Variants in DACH1 observed in about 807,000 individuals in gnomAD.
DACH1 encodes the protein dachshund family transcription factor 1.
In DACH1, 12 loss-of-function variants were observed where a neutral mutation model predicts 54.2. The observed-to-expected ratio is 0.22, with a 90% CI of 0.14 to 0.36. The LOEUF (loss-of-function observed/expected upper bound fraction) is 0.36. Ranked by LOEUF, DACH1 falls within the 10% of genes least tolerant of loss-of-function variation. The probability of loss-of-function intolerance (pLI) is 1.00; values close to 1 mark genes in which losing one functional copy is unlikely to be tolerated. For missense variants in DACH1, 805 were observed against 929.8 expected (o/e 0.87, Z 1.75); for synonymous variants, 386 against 366.2 (o/e 1.05, Z -0.62).
chr13:71,859,216 T>C (rs1874196866), intron 1 of DACH1, among the ~76,000 whole-genome samples: 2 of 151,732 alleles, frequency 1.3e-5, no homozygotes, highest in Admixed American at 1.3e-4. Context: ...GGACCACACC[T>C]TTAACACAAT....
At chr13:71,814,610 A>G (rs1352800301) in intron 1 of DACH1, among the ~76,000 whole-genome samples, 1 of 152,240 alleles carries the variant, frequency 6.6e-6, no homozygotes, top group African/African-American at 2.4e-5. Flanking sequence ...AATGCAATTA[A>G]GAATATGATG....
intron 1 of DACH1, among the ~76,000 whole-genome samples, chr13:71,782,212 A>G (rs1226456990): frequency 6.6e-6 from 1 of 152,158 alleles, no homozygotes; most frequent in African/African-American, 2.4e-5. Flanking sequence ...AGGCCAAGGC[A>G]GGTGGATCGC....
chr13:71,791,935 A>G (rs1377787672), intron 1 of DACH1, among the ~76,000 whole-genome samples: 1 of 152,174 alleles, frequency 6.6e-6, no homozygotes, highest in Non-Finnish European at 1.5e-5. Flanking sequence ...CCTCTCCACC[A>G]AAGCCACCTC....
intron 1 of DACH1, among the ~76,000 whole-genome samples, chr13:71,790,036 C>T (rs1052595258): frequency 6.6e-6 from 1 of 151,978 alleles, no homozygotes; most frequent in African/African-American, 2.4e-5. Flanking sequence ...GTTTATATGC[C>T]GCTCCATCTG....
intron 10 of DACH1, among the ~76,000 whole-genome samples, chr13:71,466,271 T>C (rs1876557500): frequency 6.6e-6 from 1 of 152,220 alleles, no homozygotes; most frequent in African/African-American, 2.4e-5. Flanking sequence ...TTTTGACTAT[T>C]GGTCTTCCAG....
chr13:71,864,042 G>C (rs1874530411), intron 1 of DACH1, among the ~76,000 whole-genome samples: 1 of 151,208 alleles, frequency 6.6e-6, no homozygotes, highest in Non-Finnish European at 1.5e-5. Context: ...ATAGATTTTG[G>C]GCAAATATTT....
intron 6 of DACH1, among the ~76,000 whole-genome samples, chr13:71,514,381 C>G (rs1881002432): frequency 6.6e-6 from 1 of 151,528 alleles, no homozygotes; most frequent in Non-Finnish European, 1.5e-5. Context: ...ATTAAGAAAC[C>G]CTCAGAACTT....
chr13:71,837,639 T>C (rs1888847017), intron 1 of DACH1, among the ~76,000 whole-genome samples: 1 of 152,024 alleles, frequency 6.6e-6, no homozygotes, highest in African/African-American at 2.4e-5. Flanking sequence ...TAGGTGAGTA[T>C]GAAAGGTCTA....
At position 71,669,352 on chromosome 13, in the gene DACH1, T is replaced by C. The variant is rs185932659; in HGVS notation, c.964+12443A>G. Among the ~76,000 whole-genome samples, 11 of 152,260 alleles carry C rather than the reference T, an allele frequency of 7.2e-5. No individual in the cohort carries two copies. The East Asian group carries it at 1.5e-3, about 21-fold the overall frequency. ...GATCAGTGAGGACATTAGAGTTTCA[T>C]AGGATCAGGAACCCTATTGTGAACT... is the stretch of plus-strand genomic sequence containing the variant. On this transcript the variant is annotated intron_variant, in intron 2 of 10. Coordinates refer to ENST00000613252, the MANE Select transcript of DACH1 (RefSeq NM_080759.6).
intron 3 of DACH1, among the ~76,000 whole-genome samples, chr13:71,594,093 G>C (rs1733843282): frequency 6.6e-6 from 1 of 151,146 alleles, no homozygotes; most frequent in African/African-American, 2.4e-5. Flanking sequence ...AATCTAATTA[G>C]TAAAGACATA....
intron 1 of DACH1, among the ~76,000 whole-genome samples, chr13:71,761,658 A>G (rs1885406684): frequency 6.6e-6 from 1 of 152,162 alleles, no homozygotes; most frequent in African/African-American, 2.4e-5. Context: ...TGTTAAATGC[A>G]GGTTTTGATC....
intron 10 of DACH1, among the ~76,000 whole-genome samples, chr13:71,450,892 T>C (rs1459232399): frequency 6.6e-6 from 1 of 152,036 alleles, no homozygotes; most frequent in Non-Finnish European, 1.5e-5. Flanking sequence ...AGAGAGAGGG[T>C]ATTAATGATA....
chr13:71,586,997 C>T (rs994805379), intron 3 of DACH1, among the ~76,000 whole-genome samples: 2 of 151,938 alleles, frequency 1.3e-5, no homozygotes, highest in African/African-American at 2.4e-5. Context: ...ATTTAACATG[C>T]TAAAATAAAG....
At chr13:71,486,797 AATTT>A (rs869141697) in intron 7 of DACH1, among the ~76,000 whole-genome samples, 1,144 of 25,886 alleles carry the variant, frequency 0.044, 14 homozygotes, top group South Asian at 0.078. Context: ...TAAATTAATT[AATTT>A]ATTTATTTAT....
intron 7 of DACH1, among the ~76,000 whole-genome samples, chr13:71,485,588 T>TTTTTTTTTTTTTG (rs1878431671): frequency 7.2e-6 from 1 of 139,008 alleles, no homozygotes; most frequent in Non-Finnish European, 1.6e-5. Flanking sequence ...TTTTTTTTTT[T>TTTTTTTTTTTTTG]TTTTTTTTTT....
chr13:71,806,472 C>T (rs1887508559), intron 1 of DACH1, among the ~76,000 whole-genome samples: 1 of 152,038 alleles, frequency 6.6e-6, no homozygotes, highest in Non-Finnish European at 1.5e-5. Context: ...TTATTTTTAA[C>T]TAGAAAAAAT....
intron 1 of DACH1, among the ~76,000 whole-genome samples, chr13:71,704,030 TTAA>T (rs1444817613): frequency 6.6e-6 from 1 of 152,202 alleles, no homozygotes; most frequent in Non-Finnish European, 1.5e-5. Flanking sequence ...TTCAAACTAC[TTAA>T]TGATGACATT....
chr13:71,445,762 G>C (rs566939037), intron 10 of DACH1, among the ~76,000 whole-genome samples: 201 of 152,304 alleles, frequency 1.3e-3, no homozygotes, highest in Middle Eastern at 6.8e-3. Context: ...ATGTTATAAT[G>C]TTCCAGAGAA....
At position 71,825,517 on chromosome 13, in the gene DACH1, C is replaced by T. The variant is rs145353429; in HGVS notation, c.848+40405G>A. ...ATTACTTTAGGTGTGAGTAATTTTG[C>T]CTATTCTGGTCAATTTCTACAAATG... On this transcript the variant is annotated intron_variant, in intron 1 of 10. Coordinates refer to ENST00000613252, the MANE Select transcript of DACH1 (RefSeq NM_080759.6). 1.1e-3 allele frequency among the ~76,000 whole-genome samples: 164 copies of T among 152,182 alleles called. 1 individual carries two copies. Among genetic ancestry groups the T allele is most frequent in the African/African-American group, 3.8e-3 (156 of 41,540 alleles).
Sources: gnomAD v4.1 joint callset for allele counts (sites outside exome capture counted in the v4.1 genomes callset) on GRCh38, gnomAD v4.1.1 for gene constraint, MANE v1.5 for transcripts, NCBI Gene and HGNC (gene_info 2026-07-23, HGNC 2026-07-21) for gene names.